Variants in MYCBPAP observed in about 807,000 individuals in gnomAD.
MYCBPAP encodes MYCBP-associated protein.
A neutral mutation model predicts 106.1 loss-of-function variants in MYCBPAP; 60 were observed. The ratio of observed to expected loss-of-function variants is 0.57; its 90% CI spans 0.46 to 0.70. The LOEUF (loss-of-function observed/expected upper bound fraction) is 0.70, where lower values mean the gene tolerates loss of function less well. Ranked by LOEUF, MYCBPAP falls within the 30% of genes least tolerant of loss-of-function variation. The pLI is 0.00. For synonymous variants in MYCBPAP, 407 were observed against 440.6 expected (o/e 0.92, Z 0.95); for missense variants, 1,064 against 1,169.3 (o/e 0.91, Z 1.31).
At chr17:50,516,745 C>G (rs755894322) in intron 2 of MYCBPAP, 48 bp downstream of exon 2, 7 of 1,609,042 alleles carry the variant, frequency 4.4e-6, no homozygotes, top group Non-Finnish European at 5.9e-6. Context: ...GTTTCCCTGC[C>G]GGCAGCCTGA....
At position 50,528,248 on chromosome 17, in the gene MYCBPAP, T is replaced by A; in HGVS notation, c.2385T>A (p.Tyr795Ter). ...GCCTGCCTGAGAAGGAGACCATCTA[T>A]TTGAATGTGCCTGAAGAGCAAGGTC... is the stretch of plus-strand genomic sequence containing the variant. The part of the protein sequence containing the change: ...VLGLPEKETI[Y>*]LNVPEEQDQK... Residue 795 changes from tyrosine to a stop codon, truncating the protein, a stop_gained, in exon 16 of 19, where the codon TAT becomes TAA. Coordinates refer to ENST00000323776, the MANE Select transcript of MYCBPAP (RefSeq NM_032133.6). LOFTEE classifies it high-confidence loss of function. 6.2e-7 allele frequency: 1 copy of A among 1,613,936 alleles called. No homozygotes were observed. The highest frequency in any genetic ancestry group is 8.5e-7 in the Non-Finnish European group (1 of 1,179,932).
intron 15 of MYCBPAP, among the ~76,000 whole-genome samples, 167 bp from the exon 16 acceptor site, chr17:50,527,988 A>C (rs2034514682): frequency 1.3e-5 from 2 of 152,088 alleles, no homozygotes; most frequent in South Asian, 4.1e-4. Context: ...AACCCCCTCC[A>C]AGCACTTGCC....
In MYCBPAP at chr17:50,531,350, G is replaced by A; in HGVS notation, c.2748G>A (p.Leu916=). The A allele has an allele frequency of 6.2e-7, 1 of 1,613,230 alleles. No homozygotes were observed. The highest frequency in any genetic ancestry group is 8.5e-7 in the Non-Finnish European group (1 of 1,179,752). The change falls in exon 19 of 19, where the codon CTG becomes CTA. Residue 916 remains leucine (L), a synonymous_variant. Transcript: ENST00000323776. Reference sequence around the variant, plus strand: ...AGGTCCGTGGGCTGCTGGACACCCTGGTGACTGACCTGATGGTCCTGGCTG... The same window carrying A: ...AGGTCCGTGGGCTGCTGGACACCCTAGTGACTGACCTGATGGTCCTGGCTG... ...HSEVRGLLDT[L]VTDLMVLADE... is the part of the protein sequence containing the mutation.
At chr17:50,527,484 TG>T (rs2034499773) in intron 15 of MYCBPAP, 76 bp downstream of exon 15, 5 of 1,578,130 alleles carry the variant, frequency 3.2e-6, no homozygotes, top group Non-Finnish European at 4.3e-6. Flanking sequence ...CAGGCAGTCC[TG>T]GGACTCCAGG....
intron 12 of MYCBPAP, among the ~76,000 whole-genome samples, 155 bp from the exon 13 acceptor site, chr17:50,524,722 G>GTT (rs1163078993): frequency 2.6e-5 from 2 of 77,206 alleles, no homozygotes. Flanking sequence ...GTGTGTGTGT[G>GTT]TGTGTGTGTG....
upstream of MYCBPAP, among the ~76,000 whole-genome samples, chr17:50,508,016 T>A (rs1157302262): frequency 6.6e-6 from 1 of 152,166 alleles, no homozygotes; most frequent in East Asian, 1.9e-4. Context: ...AAGGCCAAAG[T>A]GGCTGCAGCG....
At chr17:50,512,053 C>CT (rs774304337) in intron 1 of MYCBPAP, among the ~76,000 whole-genome samples, 26,895 of 131,772 alleles carry the variant, frequency 0.2, 4,194 homozygotes, top group African/African-American at 0.41. Context: ...AGCAAGTTTT[C>CT]TTTTTTTTTT....
intron 18 of MYCBPAP, among the ~76,000 whole-genome samples, chr17:50,530,493 C>T (rs11654042): frequency 0.69 from 85,102 of 123,790 alleles, 30,162 homozygotes; most frequent in East Asian, 0.87. Flanking sequence ...GAGACTCTTA[C>T]CTCCAAAAAA....
rs977413632 is a variant in MYCBPAP, at chr17:50,524,962, C to T, written c.1721C>T (p.Thr574Ile). The change falls in exon 13 of 19, where the codon ACA becomes ATA. Residue 574 changes from threonine to isoleucine, a missense_variant. By Grantham distance (89) the Thr-to-Ile change is moderately conservative. Coordinates refer to ENST00000323776, the MANE Select transcript of MYCBPAP (RefSeq NM_032133.6). ...ATGGGGGTCTTGACCCCGGAGCGCA[C>T]ACCATCACCTGTGGATGCCTATCTC... is the stretch of plus-strand genomic sequence containing the variant. Reference protein sequence around the residue: ...LLMGVLTPERTPSPVDAYLTE... With the variant: ...LLMGVLTPERIPSPVDAYLTE... The T allele has an allele frequency of 6.2e-7, 1 of 1,614,036 alleles. No individual in the cohort carries two copies. Among genetic ancestry groups the T allele is most frequent in the East Asian group, 2.2e-5 (1 of 44,884 alleles).
intron 1 of MYCBPAP, among the ~76,000 whole-genome samples, chr17:50,513,450 C>A (rs902519223): frequency 6.6e-6 from 1 of 152,122 alleles, no homozygotes; most frequent in Non-Finnish European, 1.5e-5. Flanking sequence ...ACATACCACT[C>A]CCTGACTGTA....
chr17:50,522,119 C>T (rs1307314019), intron 10 of MYCBPAP, 38 bp downstream of exon 10: 1 of 1,565,838 alleles, frequency 6.4e-7, no homozygotes, highest in African/African-American at 1.4e-5. Flanking sequence ...GGAGAGCCTC[C>T]CTCAGGGGTG....
intron 1 of MYCBPAP, chr17:50,510,499 G>GTATGTATGTATATATATATA (rs1555618059): frequency 5.2e-5 from 4 of 76,428 alleles, no homozygotes; most frequent in African/African-American, 1.8e-4. Flanking sequence ...GTGTGTGTGT[G>GTATGTATGTATATATATATA]TATATATATA....
Position 50,518,962 on chromosome 17 carries a change from C to T in MYCBPAP, c.653-12C>T. ...TTCGGCAGAGTGGCGGCAATCTTGC[C>T]TCTCTCTCTAGAACACCTAAAGAAG... On this transcript the variant is annotated splice_polypyrimidine_tract_variant and intron_variant, in intron 5 of 18. Coordinates refer to ENST00000323776, the MANE Select transcript of MYCBPAP (RefSeq NM_032133.6). 6.2e-7 allele frequency: 1 copy of T among 1,610,120 alleles called. No homozygotes were observed. The highest frequency in any genetic ancestry group is 8.5e-7 in the Non-Finnish European group (1 of 1,176,938).
At position 50,518,571 on chromosome 17, in the gene MYCBPAP, C is replaced by G. The variant is rs778797293; in HGVS notation, c.499C>G (p.Leu167Val). ...LAERIPTSPC[L>V]MTLISAEGES... ...TGAGCGGATACCTACCTCACCCTGTCTGATGACCCTCATCTCTGCTGAAGG... is the reference window on the plus strand; with the variant it reads ...TGAGCGGATACCTACCTCACCCTGTGTGATGACCCTCATCTCTGCTGAAGG... Residue 167 changes from leucine (L) to valine (V), a missense_variant, in exon 5 of 19, where the codon CTG becomes GTG. Leu to Val is a conservative substitution (Grantham distance 32, BLOSUM62 1). Transcript: ENST00000323776. 6.3e-7 allele frequency: 1 copy of G among 1,597,786 alleles called. No homozygotes were observed. Among genetic ancestry groups the G allele is most frequent in the Non-Finnish European group, 8.5e-7 (1 of 1,173,936 alleles).
chr17:50,508,235 C>A, upstream of MYCBPAP: 2 of 310,642 alleles, frequency 6.4e-6, no homozygotes, highest in Non-Finnish European at 1.2e-5. Context: ...GGCTGGCACC[C>A]CCGACGCCCC....
In MYCBPAP at chr17:50,521,167, T is replaced by C; in HGVS notation, c.974T>C (p.Leu325Pro). Reference protein sequence around the residue: ...YRYTWDRSLFLIYRRKELQRI... With the variant: ...YRYTWDRSLFPIYRRKELQRI... ...TACACCTGGGATCGGAGTCTGTTTCTGATCTACCGACGCAAGGAGCTGCAG... is the reference window on the plus strand; with the variant it reads ...TACACCTGGGATCGGAGTCTGTTTCCGATCTACCGACGCAAGGAGCTGCAG... The change falls in exon 8 of 19, where the codon CTG (leucine) becomes CCG (proline). Residue 325 changes from leucine (L) to proline (P), a missense_variant. Leu to Pro is a moderately conservative substitution (Grantham distance 98, BLOSUM62 -3). Transcript: ENST00000323776. 1 of 1,613,916 alleles carries C rather than the reference T, an allele frequency of 6.2e-7. No individual in the cohort carries two copies. Among genetic ancestry groups the C allele is most frequent in the Non-Finnish European group, 8.5e-7 (1 of 1,179,980 alleles).
rs559336115 is a variant in MYCBPAP, at chr17:50,511,491, G to T, written c.76+2741G>T. Among the ~76,000 whole-genome samples the T allele has an allele frequency of 6.8e-4, 104 of 152,202 alleles. No individual in the cohort carries two copies. The Middle Eastern group carries it at 0.024, about 35-fold the overall frequency. ...AAAGACTTTAATCAACACTAAAAAC[G>T]AATAATACTTAGATAAAACAAGAAG... On this transcript the variant is annotated intron_variant, in intron 1 of 18. Transcript: ENST00000323776.
intron 17 of MYCBPAP, 37 bp from the exon 18 acceptor site, chr17:50,528,981 G>A (rs1249245024): frequency 1.9e-6 from 3 of 1,604,662 alleles, no homozygotes; most frequent in African/African-American, 1.3e-5. Context: ...TACCTCTGGA[G>A]CTCCTGAAGG....
chr17:50,525,776 C>A, intron 13 of MYCBPAP, 105 bp from the exon 14 acceptor site: 1 of 1,363,358 alleles, frequency 7.3e-7, no homozygotes, highest in Non-Finnish European at 9.9e-7. Flanking sequence ...CAGGCTTGAG[C>A]CACTGTGCCT....
Sources: gnomAD v4.1 joint callset for allele counts (sites outside exome capture counted in the v4.1 genomes callset) on GRCh38, gnomAD v4.1.1 for gene constraint, MANE v1.5 for transcripts, NCBI Gene and HGNC (gene_info 2026-07-23, HGNC 2026-07-21) for gene names.